ALK: variants seen among roughly 807,000 people sequenced by gnomAD.
ALK encodes ALK receptor tyrosine kinase, also known as ALK tyrosine kinase receptor.
A neutral mutation model predicts 163.1 loss-of-function variants in ALK; 74 were observed. The observed-to-expected ratio is 0.45, with a 90% confidence interval of 0.38 to 0.55. ALK has a LOEUF of 0.55. Ranked by LOEUF, ALK falls within the 20% of genes least tolerant of loss-of-function variation. The pLI is 0.00. For missense variants in ALK, 2,063 were observed against 2,105.3 expected (o/e 0.98, Z 0.39); for synonymous variants, 960 against 843.2 (o/e 1.14, Z -2.40).
At chr2:29,338,775 A>G (rs928878543) in intron 5 of ALK, among the ~76,000 whole-genome samples, 1 of 152,214 alleles carries the variant, frequency 6.6e-6, no homozygotes, top group Non-Finnish European at 1.5e-5. Context: ...AATAATACAA[A>G]CCAGATCACC....
chr2:29,521,045 T>G (rs1162032352), intron 4 of ALK, among the ~76,000 whole-genome samples: 1 of 152,120 alleles, frequency 6.6e-6, no homozygotes, highest in East Asian at 1.9e-4. Flanking sequence ...AAATACCAAT[T>G]TGACTGTGGG....
chr2:29,363,859 T>C (rs1668438369), intron 5 of ALK, among the ~76,000 whole-genome samples: 1 of 152,150 alleles, frequency 6.6e-6, no homozygotes, highest in South Asian at 2.1e-4. Flanking sequence ...TTGAGAGCAT[T>C]GAGAGAATAT....
At chr2:29,863,440 A>ATTTAAAAATGAGCAAATG (rs1405493873) in intron 1 of ALK, among the ~76,000 whole-genome samples, 1 of 152,180 alleles carries the variant, frequency 6.6e-6, no homozygotes, top group Non-Finnish European at 1.5e-5. Context: ...AAATGACCCA[A>ATTTAAAAATGAGCAAATG]TTTAAAAATG....
At chr2:29,450,422 G>A (rs989287095) in intron 4 of ALK, among the ~76,000 whole-genome samples, 1 of 152,198 alleles carries the variant, frequency 6.6e-6, no homozygotes, top group African/African-American at 2.4e-5. Context: ...ACAGGGCTGA[G>A]CCCTGTAGGG....
chr2:29,711,899 G>C (rs1000122584), intron 2 of ALK, among the ~76,000 whole-genome samples: 12 of 151,978 alleles, frequency 7.9e-5, no homozygotes, highest in African/African-American at 2.9e-4. Context: ...GATCTTTTCT[G>C]ACTTGTTTTT....
rs1190182265 is a variant in ALK at position 29,920,319 on chromosome 2, G to A, written c.341C>T (p.Ser114Leu). 1 of 1,555,660 alleles carries A rather than the reference G, an allele frequency of 6.4e-7. No homozygotes were observed. The highest frequency in any genetic ancestry group is 8.7e-7 in the Non-Finnish European group (1 of 1,151,216). Reference protein sequence around the residue: ...PAPGVSWTAGSPAPAEARTLS... With the variant: ...PAPGVSWTAGLPAPAEARTLS... The stretch of plus-strand genomic sequence containing the variant: ...CGTCCGGGCCTCTGCCGGGGCTGGT[G>A]AACCGGCGGTCCAGGAGACCCCCGG... The change falls in exon 1 of 29, where the codon TCA becomes TTA. Residue 114 changes from serine to leucine, a missense_variant. This residue lies in a region of ALK where 987 missense variants were observed against 939.5 expected (regional missense o/e 1.05). Coordinates refer to ENST00000389048, the MANE Select transcript of ALK (RefSeq NM_004304.5).
chr2:29,729,225 C>T (rs919622266), intron 1 of ALK, among the ~76,000 whole-genome samples: 1 of 152,238 alleles, frequency 6.6e-6, no homozygotes, highest in Non-Finnish European at 1.5e-5. Flanking sequence ...TAAGCCCTGG[C>T]TTGCTCTCCT....
chr2:29,737,449 T>C (rs1679923794), intron 1 of ALK, among the ~76,000 whole-genome samples: 1 of 152,040 alleles, frequency 6.6e-6, no homozygotes, highest in African/African-American at 2.4e-5. Flanking sequence ...TGGGTCTGGA[T>C]GTATGATTGC....
At chr2:29,360,630 C>G (rs1279028112) in intron 5 of ALK, among the ~76,000 whole-genome samples, 2 of 152,114 alleles carry the variant, frequency 1.3e-5, no homozygotes, top group African/African-American at 4.8e-5. Flanking sequence ...TTCATGGACT[C>G]TTATCCTCAA....
intron 8 of ALK, among the ~76,000 whole-genome samples, chr2:29,299,753 C>T (rs755001475): frequency 2.0e-5 from 3 of 152,190 alleles, no homozygotes; most frequent in Non-Finnish European, 4.4e-5. Flanking sequence ...TCATACTTTG[C>T]ATATTACAAA....
At chr2:29,754,582 T>C (rs901897521) in intron 1 of ALK, among the ~76,000 whole-genome samples, 18 of 151,880 alleles carry the variant, frequency 1.2e-4, no homozygotes, top group African/African-American at 4.1e-4. Context: ...CCCAGCTACA[T>C]AGGAGGCTGA....
intron 23 of ALK, among the ~76,000 whole-genome samples, chr2:29,218,554 G>C (rs919659244): frequency 2.0e-5 from 3 of 152,136 alleles, no homozygotes; most frequent in Admixed American, 2.0e-4. Flanking sequence ...GTCTTTGAGA[G>C]AGGGAGAGAG....
In ALK at chr2:29,320,815, C is replaced by T. The variant is rs1573227401; in HGVS notation, c.1482G>A (p.Leu494=). 2.5e-6 allele frequency: 4 copies of T among 1,614,124 alleles called. No individual in the cohort carries two copies. Among genetic ancestry groups the T allele is most frequent in the Non-Finnish European group, 3.4e-6 (4 of 1,180,002 alleles). The change falls in exon 7 of 29, where the codon CTG becomes CTA. Residue 494 remains leucine, a synonymous_variant. Transcript: ENST00000389048. ...DGFCGWTQGT[L]SPHTPQWQVR... Reference sequence around the variant, plus strand: ...CCTGCCATTGAGGAGTGTGGGGTGACAGTGTGCCTTGGGTCCAGCCACAGA... The same window carrying T: ...CCTGCCATTGAGGAGTGTGGGGTGATAGTGTGCCTTGGGTCCAGCCACAGA...
intron 26 of ALK, among the ~76,000 whole-genome samples, chr2:29,202,660 T>C (rs1354397940): frequency 6.6e-6 from 1 of 152,270 alleles, no homozygotes; most frequent in Non-Finnish European, 1.5e-5. Context: ...TTTTTGTAAT[T>C]TGCTTTTTCC....
intron 5 of ALK, among the ~76,000 whole-genome samples, chr2:29,353,847 AC>A (rs1668177016): frequency 6.6e-6 from 1 of 152,144 alleles, no homozygotes; most frequent in South Asian, 2.1e-4. Context: ...ATGCATTCAG[AC>A]TCTGCTGAAT....
chr2:29,640,158 G>A (rs1294324098), intron 3 of ALK, among the ~76,000 whole-genome samples: 2 of 152,128 alleles, frequency 1.3e-5, no homozygotes, highest in African/African-American at 4.8e-5. Flanking sequence ...AGTACCTGGT[G>A]GATTCTCAAA....
At chr2:29,199,820 C>CA (rs1390038011) in intron 26 of ALK, among the ~76,000 whole-genome samples, 2 of 152,160 alleles carry the variant, frequency 1.3e-5, no homozygotes, top group African/African-American at 4.8e-5. Flanking sequence ...AGCTTTTTGA[C>CA]AAAGACTATC....
chr2:29,196,124 G>A (rs1161525526), intron 28 of ALK, among the ~76,000 whole-genome samples: 2 of 152,172 alleles, frequency 1.3e-5, no homozygotes, highest in East Asian at 1.9e-4. Flanking sequence ...ATCTGTAGAG[G>A]AACCCACAGG....
At chr2:29,883,795 G>A (rs1297762018) in intron 1 of ALK, among the ~76,000 whole-genome samples, 2 of 152,088 alleles carry the variant, frequency 1.3e-5, no homozygotes, top group Non-Finnish European at 1.5e-5. Context: ...AAATATATTG[G>A]AAAATTTTTT....
Sources: gnomAD v4.1 joint callset for allele counts (sites outside exome capture counted in the v4.1 genomes callset) on GRCh38, gnomAD v4.1.1 for gene constraint, gnomAD v4.1.1 regional missense constraint, MANE v1.5 for transcripts, NCBI Gene and HGNC (gene_info 2026-07-23, HGNC 2026-07-21) for gene names.